Variants in DGKI observed in about 807,000 individuals in gnomAD.
The protein encoded by DGKI is diacylglycerol kinase iota.
In DGKI, 55 loss-of-function variants were observed where a neutral mutation model predicts 147.5. The ratio of observed to expected loss-of-function variants is 0.37; its 90% CI spans 0.30 to 0.47. DGKI has a LOEUF of 0.47. Among genes scored for constraint, DGKI ranks in the 20% least tolerant of loss-of-function variants. The pLI is 1.00. For synonymous variants in DGKI, 469 were observed against 477.1 expected (o/e 0.98, Z 0.22); for missense variants, 1,007 against 1,323.8 (o/e 0.76, Z 3.71).
chr7:137,384,009 C>T lies in DGKI; in HGVS notation c.*7211G>A, dbSNP rs1455485728. The T allele has an allele frequency of 3.3e-5, 5 of 151,946 alleles. No homozygotes were observed. The allele number at this position is 151,946 out of a possible 1,614,324, so 9.4% of individuals were successfully genotyped here. A position where few individuals can be genotyped will look rare whatever the true frequency, so the allele number is the denominator to read the frequency against. ...GGAATTTCCCATAGGTGTATTAAAC[C>T]TCTATGTATATGACTATGTATTATC... On this transcript the variant is annotated 3_prime_UTR_variant, in exon 33 of 33. Coordinates refer to ENST00000614521, the MANE Select transcript of DGKI (RefSeq NM_001321708.2).
At chr7:137,655,978 T>C (rs146166303) in intron 4 of DGKI, among the ~76,000 whole-genome samples, 2,743 of 152,318 alleles carry the variant, frequency 0.018, 33 homozygotes, top group Non-Finnish European at 0.028. Flanking sequence ...CCCACACATT[T>C]GAGCAGCAAC....
intron 1 of DGKI, among the ~76,000 whole-genome samples, chr7:137,719,608 AT>A (rs1794485553): frequency 6.6e-6 from 1 of 152,130 alleles, no homozygotes; most frequent in South Asian, 2.1e-4. Flanking sequence ...CTTTATTGCT[AT>A]CAGAATCACC....
At chr7:137,434,178 C>G (rs1813190985) in intron 28 of DGKI, among the ~76,000 whole-genome samples, 2 of 151,648 alleles carry the variant, frequency 1.3e-5, no homozygotes, top group Non-Finnish European at 2.9e-5. Context: ...TTTTCTAACT[C>G]CTTTTTTCCC....
intron 27 of DGKI, among the ~76,000 whole-genome samples, chr7:137,446,721 T>A (rs1813730631): frequency 3.9e-5 from 6 of 151,992 alleles, no homozygotes. Context: ...AGTAAAACTC[T>A]GTCTCAAAAA....
At chr7:137,672,766 CTTTTTTTTTTTTTTTT>C (rs60078498) in intron 3 of DGKI, among the ~76,000 whole-genome samples, 7 of 65,690 alleles carry the variant, frequency 1.1e-4, no homozygotes, top group South Asian at 6.2e-4. Flanking sequence ...CTCTGTGTGT[CTTTTTTTTTTTTTTTT>C]TTTTTTTTTT....
At chr7:137,580,347 G>T (rs1003205739) in intron 15 of DGKI, among the ~76,000 whole-genome samples, 24 of 152,044 alleles carry the variant, frequency 1.6e-4, no homozygotes, top group Non-Finnish European at 2.6e-4. Context: ...TATAAGAAGG[G>T]TAACAGGTCA....
At position 137,383,752 on chromosome 7, in the gene DGKI, T is replaced by C. The variant is rs533712578; in HGVS notation, c.*7468A>G. The C allele has an allele frequency of 2.0e-5, 3 of 152,138 alleles. No homozygotes were observed. Among genetic ancestry groups the C allele is most frequent in the South Asian group, 4.2e-4 (2 of 4,816 alleles). The allele number at this position is 152,138 out of a possible 1,614,324, so 9.4% of individuals were successfully genotyped here. On this transcript the variant is annotated 3_prime_UTR_variant, in exon 33 of 33. Transcript: ENST00000614521. The stretch of plus-strand genomic sequence containing the variant: ...TTTCATGTGTTACTGCTCTTTTCTT[T>C]CCTTATTTTATTCTACAAATCATCT...
chr7:137,453,640 C>A (rs145268718), intron 27 of DGKI, among the ~76,000 whole-genome samples: 13 of 152,218 alleles, frequency 8.5e-5, no homozygotes, highest in Non-Finnish European at 1.9e-4. Flanking sequence ...TGGTCACAAA[C>A]CCATTCAGGG....
At chr7:137,615,136 C>T (rs1563112938) in intron 8 of DGKI, among the ~76,000 whole-genome samples, 1 of 152,130 alleles carries the variant, frequency 6.6e-6, no homozygotes, top group African/African-American at 2.4e-5. Flanking sequence ...TGGATGCTGA[C>T]CATGGCTGAT....
chr7:137,581,797 A>C, intron 15 of DGKI, 53 bp downstream of exon 15: 1 of 1,481,434 alleles, frequency 6.8e-7, no homozygotes, highest in Non-Finnish European at 9.4e-7. Flanking sequence ...AACATGCAAA[A>C]CACCTGCTAG....
chr7:137,464,563 A>G (rs1585139279), intron 26 of DGKI, among the ~76,000 whole-genome samples: 1 of 152,086 alleles, frequency 6.6e-6, no homozygotes, highest in African/African-American at 2.4e-5. Context: ...GCCTTCCCCC[A>G]TGCTCTGACA....
At chr7:137,487,079 T>C (rs1010016131) in intron 22 of DGKI, among the ~76,000 whole-genome samples, 2 of 152,118 alleles carry the variant, frequency 1.3e-5, no homozygotes, top group African/African-American at 4.8e-5. Flanking sequence ...GAGTGCCATA[T>C]ACGGGGTCAC....
chr7:137,622,231 G>A (rs184653586), intron 7 of DGKI, among the ~76,000 whole-genome samples: 29 of 152,186 alleles, frequency 1.9e-4, no homozygotes, highest in Non-Finnish European at 4.1e-4. Flanking sequence ...ATATGGAACT[G>A]CCAAAATATA....
At chr7:137,566,835 A>C (rs1460817117) in intron 19 of DGKI, among the ~76,000 whole-genome samples, 1 of 152,068 alleles carries the variant, frequency 6.6e-6, no homozygotes, top group Admixed American at 6.6e-5. Context: ...ATATTTCCTT[A>C]GATGTCTTAC....
At chr7:137,412,301 A>C (rs529453314) in intron 28 of DGKI, 94 bp from the exon 29 acceptor site, 1 of 1,176,818 alleles carries the variant, frequency 8.5e-7, no homozygotes, top group Admixed American at 1.7e-5. Flanking sequence ...TAAGTAGTCT[A>C]CATTTGGGGC....
intron 1 of DGKI, among the ~76,000 whole-genome samples, chr7:137,690,534 A>G (rs774150769): frequency 2.6e-5 from 4 of 152,194 alleles, no homozygotes; most frequent in Non-Finnish European, 5.9e-5. Flanking sequence ...AGAGGACTAC[A>G]TGAGTTTGAG....
In DGKI at chr7:137,753,877, T is replaced by C. The variant is rs114395816; in HGVS notation, c.402-63875A>G. Among the ~76,000 whole-genome samples the C allele has an allele frequency of 2.8e-3, 422 of 152,104 alleles. 1 individual carries two copies. Among genetic ancestry groups the C allele is most frequent in the African/African-American group, 9.9e-3 (409 of 41,470 alleles). On this transcript the variant is annotated intron_variant, in intron 1 of 32. Transcript: ENST00000614521. ...CTCCTACAGAGCAGCCCCAAATTAA[T>C]GGCATATAAATAAAAAAAGGACACC...
At chr7:137,643,206 G>C (rs1180418410) in intron 6 of DGKI, among the ~76,000 whole-genome samples, 2 of 149,374 alleles carry the variant, frequency 1.3e-5, no homozygotes, top group East Asian at 4.0e-4. Flanking sequence ...CAGGAGAATG[G>C]CATGAACCTG....
intron 2 of DGKI, among the ~76,000 whole-genome samples, chr7:137,681,936 C>T (rs973538591): frequency 3.3e-5 from 5 of 152,246 alleles, no homozygotes; most frequent in African/African-American, 4.8e-5. Context: ...ACAGGACCAA[C>T]CCCCACTTAA....
Sources: gnomAD v4.1 joint callset for allele counts (sites outside exome capture counted in the v4.1 genomes callset) on GRCh38, gnomAD v4.1.1 for gene constraint, MANE v1.5 for transcripts, NCBI Gene and HGNC (gene_info 2026-07-23, HGNC 2026-07-21) for gene names.